CTBP2: variants seen among roughly 807,000 people sequenced by gnomAD.
The protein encoded by CTBP2 is C-terminal-binding protein 2.
CTBP2 carries 30 observed loss-of-function variants against 80.3 expected under a neutral mutation model. That is an observed-to-expected ratio of 0.37 (90% CI 0.28 to 0.51). CTBP2 has a LOEUF of 0.51. Among genes scored for constraint, CTBP2 ranks in the 20% least tolerant of loss-of-function variants. CTBP2 has a pLI of 0.93. For missense variants in CTBP2, 1,212 were observed against 1,375.3 expected, an observed-to-expected ratio of 0.88 and a Z score of 1.88; for synonymous variants, 594 against 587.4, an observed-to-expected ratio of 1.01 and a Z score of -0.16.
intron 1 of CTBP2, among the ~76,000 whole-genome samples, chr10:125,023,599 T>A (rs1243303385): frequency 6.6e-6 from 1 of 152,042 alleles, no homozygotes; most frequent in African/African-American, 2.4e-5. Flanking sequence ...GGAGCCCCCA[T>A]TTGTCTGTGT....
Position 125,026,223 on chromosome 10 carries a change from G to T in CTBP2, c.1537C>A (p.Arg513=). The stretch of plus-strand genomic sequence containing the variant: ...GGCCCCAGGGGTGCACCTGGCTTCC[G>T]CAAGACCTGGGGGCTGCCGTGAGGG... The change falls in exon 1 of 9, where the codon CGG becomes AGG. Residue 513 remains arginine (R), a synonymous_variant. Transcript: ENST00000309035. The T allele has an allele frequency of 6.2e-7, 1 of 1,613,602 alleles. No homozygotes were observed. Among genetic ancestry groups the T allele is most frequent in the Non-Finnish European group, 8.5e-7 (1 of 1,179,902 alleles).
At chr10:125,131,522 G>A (rs767692915) in intron 1 of CTBP2, among the ~76,000 whole-genome samples, 6 of 152,140 alleles carry the variant, frequency 3.9e-5, no homozygotes, top group Non-Finnish European at 7.3e-5. Context: ...AATGGGAGAC[G>A]GCGCTGCTTT....
Position 124,987,291 on chromosome 10 carries a change from T to TTGA in CTBP2, c.*2224_*2226dup, listed in dbSNP as rs1473212016. 1.3e-5 allele frequency: 2 copies of TTGA among 152,512 alleles called. No individual in the cohort carries two copies. The highest frequency in any genetic ancestry group is 6.5e-5 in the Admixed American group (1 of 15,272). 9.4% of individuals were successfully genotyped at this position (152,512 alleles called of 1,614,324 possible). ...TAAGTCATACCTGCACTCTGTGGAC[T>TTGA]TGATGGTTCTTTTTCTAGAGCAAAC... On this transcript the variant is annotated 3_prime_UTR_variant, in exon 9 of 9. Coordinates refer to ENST00000309035, the MANE Select transcript of CTBP2 (RefSeq NM_022802.3).
chr10:125,161,147 A>T (rs1861860001), upstream of CTBP2: 1 of 150,152 alleles, frequency 6.7e-6, no homozygotes, highest in African/African-American at 2.5e-5. Context: ...CCCCCTTCAG[A>T]TACTCCTCAC....
intron 1 of CTBP2, among the ~76,000 whole-genome samples, chr10:125,114,988 G>C (rs1219819917): frequency 6.6e-6 from 1 of 152,066 alleles, no homozygotes; most frequent in East Asian, 1.9e-4. Context: ...AGGACTTGAG[G>C]CTTTCTGCTT....
intron 1 of CTBP2, among the ~76,000 whole-genome samples, chr10:125,126,644 C>A (rs545525323): frequency 1.3e-5 from 2 of 152,258 alleles, no homozygotes; most frequent in African/African-American, 4.8e-5. Flanking sequence ...TCGCACCTCC[C>A]GGCCTCGGCC....
intron 2 of CTBP2, among the ~76,000 whole-genome samples, chr10:125,079,127 A>G (rs2135539464): frequency 7.1e-6 from 1 of 139,872 alleles, no homozygotes; most frequent in South Asian, 2.3e-4. Flanking sequence ...TGCCTGGGTG[A>G]CAGAGTGAGA....
At chr10:125,153,076 C>T (rs1439472169) in intron 1 of CTBP2, among the ~76,000 whole-genome samples, 3 of 152,210 alleles carry the variant, frequency 2.0e-5, no homozygotes, top group African/African-American at 4.8e-5. Flanking sequence ...CAGGAGCCCA[C>T]GCAGCCCATC....
intron 2 of CTBP2, 36 bp downstream of exon 4, chr10:125,003,302 G>A: frequency 6.3e-7 from 1 of 1,599,726 alleles, no homozygotes; most frequent in South Asian, 1.1e-5. Flanking sequence ...ACTGCCCAAG[G>A]TCAGTGCAGG....
rs138170318 is a variant in CTBP2, at chr10:124,986,925, G to C, written c.*2593C>G. ...ACGCTCAGCACTTAGCTTCTACTGT[G>C]TGTTGTGGTCTGGTGAGTGTTGTTT... is the stretch of plus-strand genomic sequence containing the variant. On this transcript the variant is annotated 3_prime_UTR_variant, in exon 9 of 9. Transcript: ENST00000309035. 54 of 152,540 alleles carry C rather than the reference G, an allele frequency of 3.5e-4. No individual in the cohort carries two copies. In the East Asian group the frequency reaches 9.5e-3, roughly 27 times the overall value. 9.4% of individuals were successfully genotyped at this position (152,540 alleles called of 1,614,324 possible).
intron 1 of CTBP2, among the ~76,000 whole-genome samples, chr10:125,016,816 AG>A (rs1386550778): frequency 2.0e-5 from 3 of 152,248 alleles, no homozygotes; most frequent in African/African-American, 7.2e-5. Context: ...ACAGCATCCC[AG>A]GCTCAGAGCC....
rs1952006948 is a variant in CTBP2 at position 124,985,238 on chromosome 10, T to A, written c.*4280A>T. 1 of 407,870 alleles carries A rather than the reference T, an allele frequency of 2.5e-6. No homozygotes were observed. The highest frequency in any genetic ancestry group is 5.9e-5 in the South Asian group (1 of 17,030). 25.3% of individuals were successfully genotyped at this position (407,870 alleles called of 1,614,324 possible). A position where few individuals can be genotyped will look rare whatever the true frequency, so the allele number is the denominator to read the frequency against. On this transcript the variant is annotated 3_prime_UTR_variant, in exon 9 of 9. Transcript: ENST00000309035. ...AATTTTATTAAGACAGAACTTTTTT[T>A]CCTTCCAAATTGTAAATCTGTCTAT...
intron 1 of CTBP2, chr10:125,005,587 C>G (rs2134314756): frequency 6.2e-7 from 1 of 1,612,570 alleles, no homozygotes; most frequent in Non-Finnish European, 8.5e-7. Context: ...GCGTGCAGCA[C>G]AAAGCTGGAT....
chr10:125,094,323 C>G (rs1849225070), intron 2 of CTBP2, among the ~76,000 whole-genome samples: 1 of 152,136 alleles, frequency 6.6e-6, no homozygotes. Context: ...GTCATGAACA[C>G]CCATGTGAGC....
In CTBP2 at chr10:125,130,924, C is replaced by T. The variant is rs566897345; in HGVS notation, c.-205-19831G>A. The stretch of plus-strand genomic sequence containing the variant: ...CAAGCTGGAGAAAATCCCTGGGTAT[C>T]GCCTCCGACCCACTGTATCTCAAAT... On this transcript the variant is annotated intron_variant, in intron 1 of 10. Transcript: ENST00000337195. Among the ~76,000 whole-genome samples the T allele has an allele frequency of 1.3e-4, 20 of 152,310 alleles. No individual in the cohort carries two copies. In the East Asian group the frequency reaches 2.1e-3, roughly 16 times the overall value.
chr10:125,058,305 C>T (rs1964343470), intron 2 of CTBP2, among the ~76,000 whole-genome samples: 2 of 152,154 alleles, frequency 1.3e-5, no homozygotes, highest in Admixed American at 6.5e-5. Flanking sequence ...TCACGTGATA[C>T]GATTGCACAC....
chr10:125,161,473 C>A (rs1861889604), upstream of CTBP2, among the ~76,000 whole-genome samples: 1 of 152,010 alleles, frequency 6.6e-6, no homozygotes, highest in African/African-American at 2.4e-5. Flanking sequence ...GCCAACCAGC[C>A]CCCTTCCCGG....
intron 1 of CTBP2, among the ~76,000 whole-genome samples, chr10:125,119,520 A>G (rs777075266): frequency 1.1e-4 from 16 of 152,252 alleles, no homozygotes; most frequent in Non-Finnish European, 1.9e-4. Flanking sequence ...TATTTACTAA[A>G]AGTATTTCAA....
At chr10:124,994,097 T>A in intron 5 of CTBP2, 112 bp from the exon 8 acceptor site, 84 of 1,428,572 alleles carry the variant, frequency 5.9e-5, no homozygotes, top group Non-Finnish European at 7.9e-5. Context: ...GGTGGTTTAA[T>A]GTGTGTGCTG....
Sources: allele counts gnomAD v4.1 joint callset (sites outside exome capture counted in the v4.1 genomes callset), GRCh38; gene constraint gnomAD v4.1.1; transcripts MANE v1.5; gene names NCBI Gene and HGNC (gene_info 2026-07-23, HGNC 2026-07-21).